Variants in FER observed in about 807,000 individuals in gnomAD.
FER encodes FER tyrosine kinase, also known as tyrosine-protein kinase Fer.
In FER, 63 loss-of-function variants were observed where a neutral mutation model predicts 111.0. The observed-to-expected ratio is 0.57, with a 90% confidence interval of 0.46 to 0.70. The LOEUF (loss-of-function observed/expected upper bound fraction) is 0.70. Among genes scored for constraint, FER ranks in the 30% least tolerant of loss-of-function variants. FER has a pLI of 0.00. For synonymous variants in FER, 327 were observed against 313.9 expected (o/e 1.04, Z -0.44); for missense variants, 914 against 954.0 (o/e 0.96, Z 0.55).
intron 10 of FER, among the ~76,000 whole-genome samples, chr5:108,901,003 G>A (rs906279223): frequency 6.6e-6 from 1 of 152,132 alleles, no homozygotes; most frequent in Non-Finnish European, 1.5e-5. Flanking sequence ...TAGGTCAGGA[G>A]GGCTTCATCC....
At chr5:109,161,082 G>A (rs1447038600) in intron 17 of FER, among the ~76,000 whole-genome samples, 1 of 152,102 alleles carries the variant, frequency 6.6e-6, no homozygotes, top group Non-Finnish European at 1.5e-5. Context: ...AAAGTAATGT[G>A]TAAGATTAAA....
intron 13 of FER, among the ~76,000 whole-genome samples, chr5:109,024,408 G>A (rs1292723592): frequency 6.6e-6 from 1 of 152,098 alleles, no homozygotes. Flanking sequence ...AGAGTGGAAT[G>A]GAAAGAAAAC....
At chr5:108,779,532 T>A (rs1055715343) in intron 2 of FER, among the ~76,000 whole-genome samples, 3 of 152,194 alleles carry the variant, frequency 2.0e-5, no homozygotes, top group Non-Finnish European at 2.9e-5. Flanking sequence ...TATGTAAGTA[T>A]GTCATTTTGG....
At chr5:108,827,205 A>G (rs1209942138) in intron 3 of FER, among the ~76,000 whole-genome samples, 1 of 152,198 alleles carries the variant, frequency 6.6e-6, no homozygotes, top group Admixed American at 6.5e-5. Flanking sequence ...TAATTTTGGG[A>G]AAATCTTCAA....
At chr5:109,128,608 A>G (rs1752012115) in intron 17 of FER, among the ~76,000 whole-genome samples, 2 of 152,182 alleles carry the variant, frequency 1.3e-5, no homozygotes, top group South Asian at 4.1e-4. Flanking sequence ...CAGTGTAGCA[A>G]TGCAGAATGG....
At chr5:108,844,047 T>TGTGTGTGAAC (rs1561499909) in intron 5 of FER, among the ~76,000 whole-genome samples, 1 of 98,258 alleles carries the variant, frequency 1.0e-5, no homozygotes, top group Non-Finnish European at 2.3e-5. Flanking sequence ...TGAACATATA[T>TGTGTGTGAAC]ATGTGTGTGA....
chr5:109,159,115 G>A (rs1411119455), intron 17 of FER, among the ~76,000 whole-genome samples: 1 of 152,006 alleles, frequency 6.6e-6, no homozygotes, highest in Non-Finnish European at 1.5e-5. Flanking sequence ...ATTATCTCTG[G>A]CCAGTTGGGT....
chr5:109,017,208 G>T (rs1307337570), intron 13 of FER, among the ~76,000 whole-genome samples: 2 of 151,874 alleles, frequency 1.3e-5, no homozygotes, highest in Non-Finnish European at 2.9e-5. Flanking sequence ...GAGCTTGAGA[G>T]GATTGCAGGG....
intron 17 of FER, among the ~76,000 whole-genome samples, chr5:109,110,535 T>G (rs901634986): frequency 2.0e-5 from 3 of 152,168 alleles, no homozygotes; most frequent in Non-Finnish European, 4.4e-5. Flanking sequence ...AAAGTTCTTG[T>G]AAGCCATTGA....
chr5:108,834,896 A>G (rs1760452971), intron 4 of FER, among the ~76,000 whole-genome samples: 1 of 152,078 alleles, frequency 6.6e-6, no homozygotes, highest in Non-Finnish European at 1.5e-5. Flanking sequence ...GTTTGAGATT[A>G]TCTTCCAAGT....
At chr5:108,846,965 G>A (rs1762090772) in intron 5 of FER, among the ~76,000 whole-genome samples, 1 of 151,604 alleles carries the variant, frequency 6.6e-6, no homozygotes. Context: ...ACCAGCTTTT[G>A]GTCTTTTTTC....
chr5:109,125,442 A>T (rs1276511320), intron 17 of FER, among the ~76,000 whole-genome samples: 2 of 152,170 alleles, frequency 1.3e-5, no homozygotes, highest in Non-Finnish European at 2.9e-5. Flanking sequence ...TTATATTCAA[A>T]CCTGTAAACA....
At chr5:108,815,594 G>A (rs1758192430) in intron 3 of FER, among the ~76,000 whole-genome samples, 1 of 151,980 alleles carries the variant, frequency 6.6e-6, no homozygotes, top group Non-Finnish European at 1.5e-5. Context: ...TCTTCTTTAT[G>A]TAAAATTATA....
intron 13 of FER, among the ~76,000 whole-genome samples, chr5:109,008,623 T>C (rs1326151613): frequency 1.3e-5 from 2 of 152,200 alleles, no homozygotes; most frequent in African/African-American, 4.8e-5. Flanking sequence ...TTTCTCTGCT[T>C]TAAAAAAATA....
At chr5:109,086,896 CT>C (rs924405214) in intron 16 of FER, among the ~76,000 whole-genome samples, 9 of 150,238 alleles carry the variant, frequency 6.0e-5, no homozygotes, top group African/African-American at 2.2e-4. Flanking sequence ...TGAGGCCTCT[CT>C]TCTTAGCTTG....
intron 10 of FER, among the ~76,000 whole-genome samples, chr5:108,927,814 A>T (rs1003968083): frequency 1.3e-5 from 2 of 152,196 alleles, no homozygotes; most frequent in African/African-American, 2.4e-5. Flanking sequence ...TTCTACATTT[A>T]TTGATCTAAA....
At chr5:109,038,188 G>C (rs1290483569) in intron 14 of FER, among the ~76,000 whole-genome samples, 1 of 151,786 alleles carries the variant, frequency 6.6e-6, no homozygotes, top group Non-Finnish European at 1.5e-5. Context: ...ATTTATAATT[G>C]AGTTCCAATG....
At chr5:109,160,813 A>G (rs545429552) in intron 17 of FER, among the ~76,000 whole-genome samples, 2 of 152,244 alleles carry the variant, frequency 1.3e-5, no homozygotes, top group Admixed American at 6.5e-5. Context: ...CTGTATAAAA[A>G]CACCTAGAGA....
In FER at chr5:108,959,359, T is replaced by C; in HGVS notation, c.1656+12T>C. On this transcript the variant is annotated intron_variant, in intron 13 of 19. Coordinates refer to ENST00000281092, the MANE Select transcript of FER (RefSeq NM_005246.4). Reference sequence around the variant, plus strand: ...ATCCTATTCCTAAGGTAGGTGCTTATATACTTTTTTGTCTGTTTGTTTTAA... The same window carrying C: ...ATCCTATTCCTAAGGTAGGTGCTTACATACTTTTTTGTCTGTTTGTTTTAA... 6.3e-7 allele frequency: 1 copy of C among 1,585,118 alleles called. No individual in the cohort carries two copies. The highest frequency in any genetic ancestry group is 8.6e-7 in the Non-Finnish European group (1 of 1,168,584).
Sources: gnomAD v4.1 joint callset for allele counts (sites outside exome capture counted in the v4.1 genomes callset) on GRCh38, gnomAD v4.1.1 for gene constraint, MANE v1.5 for transcripts, NCBI Gene and HGNC (gene_info 2026-07-23, HGNC 2026-07-21) for gene names.